Variants in PODXL2 observed in about 807,000 individuals in gnomAD.
PODXL2 encodes podocalyxin-like protein 2.
PODXL2 carries 17 observed loss-of-function variants against 53.4 expected under a neutral mutation model. The observed-to-expected ratio is 0.32, with a 90% confidence interval of 0.22 to 0.48. PODXL2 has a LOEUF of 0.48. Ranked by LOEUF, PODXL2 falls within the 20% of genes least tolerant of loss-of-function variation. The probability of loss-of-function intolerance (pLI) is 0.99; values close to 1 mark genes in which losing one functional copy is unlikely to be tolerated. For missense variants in PODXL2, 673 were observed against 760.0 expected, an observed-to-expected ratio of 0.89 and a Z score of 1.35; for synonymous variants, 311 against 306.7, an observed-to-expected ratio of 1.01 and a Z score of -0.15.
At chr3:127,653,461 A>G (rs2074702103) in intron 2 of PODXL2, among the ~76,000 whole-genome samples, 1 of 152,228 alleles carries the variant, frequency 6.6e-6, no homozygotes, top group African/African-American at 2.4e-5. Context: ...CCTGGCCAAC[A>G]AGGTGAAACC....
intron 1 of PODXL2, among the ~76,000 whole-genome samples, chr3:127,630,405 A>G (rs527823280): frequency 6.6e-6 from 1 of 152,206 alleles, no homozygotes; most frequent in African/African-American, 2.4e-5. Context: ...GCGTCCTAGT[A>G]TGATGTGTGT....
At chr3:127,671,875 C>T (rs1410017803) in intron 7 of PODXL2, among the ~76,000 whole-genome samples, 1 of 152,210 alleles carries the variant, frequency 6.6e-6, no homozygotes, top group East Asian at 1.9e-4. Context: ...GGCGCAGGCA[C>T]TGCAGGGCCT....
chr3:127,649,349 TG>T lies in PODXL2; in HGVS notation c.349+9827del, dbSNP rs761489095. 3.3e-4 allele frequency among the ~76,000 whole-genome samples: 50 copies of T among 152,372 alleles called. 1 individual carries two copies. Among genetic ancestry groups the T allele is most frequent in the Non-Finnish European group, 5.7e-4 (39 of 68,038 alleles). ...GTCTTCTGCTACATGGACTGTGCCA[TG>T]ATGGGGATCTATAAAGCCACATGAC... On this transcript the variant is annotated intron_variant, in intron 2 of 7. Coordinates refer to ENST00000342480, the MANE Select transcript of PODXL2 (RefSeq NM_015720.4).
chr3:127,659,902 C>T (rs2074752600), intron 2 of PODXL2, among the ~76,000 whole-genome samples: 1 of 152,216 alleles, frequency 6.6e-6, no homozygotes, highest in Admixed American at 6.5e-5. Flanking sequence ...TGAGGGGTCT[C>T]ACTTCCTCCA....
rs1401834273 is a variant in PODXL2 at position 127,671,420 on chromosome 3, C to T, written c.1426-14C>T. Reference sequence around the variant, plus strand: ...AGGACCTCAGCTGAGGAAACTGGCCCCTCCCACCCCTAGATTGGCATCCAG... The same window carrying T: ...AGGACCTCAGCTGAGGAAACTGGCCTCTCCCACCCCTAGATTGGCATCCAG... On this transcript the variant is annotated splice_polypyrimidine_tract_variant and intron_variant, in intron 6 of 7. Transcript: ENST00000342480. 2.5e-6 allele frequency: 4 copies of T among 1,611,804 alleles called. No individual in the cohort carries two copies. The highest frequency in any genetic ancestry group is 1.7e-6 in the Non-Finnish European group (2 of 1,178,158).
chr3:127,642,272 A>G (rs1441036795), intron 2 of PODXL2, among the ~76,000 whole-genome samples: 3 of 149,046 alleles, frequency 2.0e-5, no homozygotes, highest in African/African-American at 5.1e-5. Context: ...CCTGGGGGAC[A>G]GAGCGAGACT....
chr3:127,648,815 C>T (rs1348786243), intron 2 of PODXL2, among the ~76,000 whole-genome samples: 3 of 119,928 alleles, frequency 2.5e-5, no homozygotes, highest in South Asian at 5.5e-4. Flanking sequence ...TTTTTTGAGA[C>T]GGAGTCTTGC....
chr3:127,670,615 G>A (rs897665528), intron 6 of PODXL2, among the ~76,000 whole-genome samples: 7 of 152,206 alleles, frequency 4.6e-5, no homozygotes, highest in Middle Eastern at 3.2e-3. Context: ...GGAGATACAC[G>A]GGTGGTTCAC....
At chr3:127,657,536 C>T (rs955933106) in intron 2 of PODXL2, among the ~76,000 whole-genome samples, 1 of 152,216 alleles carries the variant, frequency 6.6e-6, no homozygotes, top group Non-Finnish European at 1.5e-5. Flanking sequence ...CTGCTCTTTT[C>T]TCATCATCTC....
intron 2 of PODXL2, among the ~76,000 whole-genome samples, chr3:127,640,548 A>G (rs2107704934): frequency 6.6e-6 from 1 of 152,198 alleles, no homozygotes; most frequent in South Asian, 2.1e-4. Context: ...TAAAAATACA[A>G]AAATTAGCTG....
At chr3:127,658,117 G>T (rs775013524) in intron 2 of PODXL2, among the ~76,000 whole-genome samples, 42 of 152,086 alleles carry the variant, frequency 2.8e-4, no homozygotes, top group South Asian at 4.1e-4. Context: ...AGGTGGAAGA[G>T]GGGGAGGATC....
rs138472185 is a variant in PODXL2 at position 127,648,479 on chromosome 3, G to A, written c.349+8956G>A. Among the ~76,000 whole-genome samples, 888 of 152,276 alleles carry A rather than the reference G, an allele frequency of 5.8e-3. 8 individuals are homozygous for A. The highest frequency in any genetic ancestry group is 0.02 in the African/African-American group (825 of 41,554). ...CTTTTACTTAGACACCAAAACAAAAGCCTTGTCATTCTTGTTCTGTGCTAG... is the reference window on the plus strand; with the variant it reads ...CTTTTACTTAGACACCAAAACAAAAACCTTGTCATTCTTGTTCTGTGCTAG... On this transcript the variant is annotated intron_variant, in intron 2 of 7. Coordinates refer to ENST00000342480, the MANE Select transcript of PODXL2 (RefSeq NM_015720.4).
chr3:127,643,305 A>T (rs1355329561), intron 2 of PODXL2, among the ~76,000 whole-genome samples: 11 of 151,796 alleles, frequency 7.2e-5, no homozygotes, highest in Non-Finnish European at 1.5e-5. Flanking sequence ...CTGCCTCCCA[A>T]GTTCAAGCAA....
intron 2 of PODXL2, among the ~76,000 whole-genome samples, chr3:127,647,951 A>G (rs1270613154): frequency 6.6e-6 from 1 of 151,492 alleles, no homozygotes; most frequent in Non-Finnish European, 1.5e-5. Flanking sequence ...ATTAACAGAA[A>G]GAGAGCATGA....
At chr3:127,661,245 G>A in intron 3 of PODXL2, 86 bp downstream of exon 3, 1 of 1,033,146 alleles carries the variant, frequency 9.7e-7, no homozygotes, top group Non-Finnish European at 1.4e-6. Flanking sequence ...ATGGGGGCAG[G>A]ATCTGCCAGG....
At chr3:127,659,626 G>A (rs2074750056) in intron 2 of PODXL2, among the ~76,000 whole-genome samples, 1 of 152,134 alleles carries the variant, frequency 6.6e-6, no homozygotes, top group African/African-American at 2.4e-5. Flanking sequence ...TTTGGAAGAG[G>A]CCTAGGGTTC....
At chr3:127,650,742 C>T (rs376393120) in intron 2 of PODXL2, among the ~76,000 whole-genome samples, 1 of 152,198 alleles carries the variant, frequency 6.6e-6, no homozygotes. Context: ...CTGCAAGCCC[C>T]GCCTCCTGGG....
chr3:127,653,967 G>T (rs1157295991), intron 2 of PODXL2, among the ~76,000 whole-genome samples: 3 of 152,178 alleles, frequency 2.0e-5, no homozygotes, highest in Non-Finnish European at 4.4e-5. Flanking sequence ...ACCACAGCAG[G>T]ATGATCAAAA....
At chr3:127,670,743 C>T (rs1374903059) in intron 6 of PODXL2, among the ~76,000 whole-genome samples, 1 of 152,240 alleles carries the variant, frequency 6.6e-6, no homozygotes, top group Non-Finnish European at 1.5e-5. Context: ...TGCTCGCCCT[C>T]CTGCTTCTCT....
Sources: allele counts gnomAD v4.1 joint callset (sites outside exome capture counted in the v4.1 genomes callset), GRCh38; gene constraint gnomAD v4.1.1; transcripts MANE v1.5; gene names NCBI Gene and HGNC (gene_info 2026-07-23, HGNC 2026-07-21).